Variants in RALGPS1 observed in about 807,000 individuals in gnomAD.
RALGPS1 encodes the protein Ral GEF with PH domain and SH3 binding motif 1.
A neutral mutation model predicts 78.8 loss-of-function variants in RALGPS1; 19 were observed. The ratio of observed to expected loss-of-function variants is 0.24; its 90% CI spans 0.17 to 0.35. RALGPS1 has a LOEUF of 0.35. RALGPS1 is among the 10% of genes least tolerant of loss of function. The probability of loss-of-function intolerance (pLI) is 1.00; values close to 1 mark genes in which losing one functional copy is unlikely to be tolerated. For synonymous variants in RALGPS1, 228 were observed against 256.3 expected (o/e 0.89, Z 1.06); for missense variants, 454 against 688.3 (o/e 0.66, Z 3.81).
chr9:127,178,419 C>G (rs2060011188), intron 11 of RALGPS1: 4 of 1,041,660 alleles, frequency 3.8e-6, no homozygotes, highest in Non-Finnish European at 4.7e-6. Context: ...TAAAATCTTC[C>G]TCCTTCACAG....
intron 5 of RALGPS1, among the ~76,000 whole-genome samples, chr9:127,041,078 T>TTTTC (rs1301884289): frequency 2.0e-5 from 3 of 148,742 alleles, no homozygotes; most frequent in East Asian, 3.9e-4. Context: ...TGTACTAAAG[T>TTTTC]TTTCTTTCTT....
intron 18 of RALGPS1, among the ~76,000 whole-genome samples, chr9:127,215,100 T>TG (rs1564810982): frequency 6.6e-6 from 1 of 152,174 alleles, no homozygotes; most frequent in Non-Finnish European, 1.5e-5. Flanking sequence ...AAACACCCAC[T>TG]GGGGGATGAT....
At chr9:126,934,350 A>G (rs1312983024) in intron 1 of RALGPS1, among the ~76,000 whole-genome samples, 2 of 152,148 alleles carry the variant, frequency 1.3e-5, no homozygotes, top group Non-Finnish European at 2.9e-5. Context: ...GGTATGTCCT[A>G]TTGATTAGGG....
intron 8 of RALGPS1, among the ~76,000 whole-genome samples, chr9:127,086,467 T>C (rs1327966712): frequency 6.6e-6 from 1 of 152,220 alleles, no homozygotes; most frequent in Admixed American, 6.5e-5. Context: ...CTCTGATTAC[T>C]ACTGAGGTTG....
intron 14 of RALGPS1, chr9:127,210,588 CG>C (rs1307434532): frequency 1.2e-6 from 1 of 813,194 alleles, no homozygotes; most frequent in East Asian, 2.7e-5. Flanking sequence ...GGTTGCTCTG[CG>C]GGACTTCCTG....
At chr9:127,099,269 T>C (rs1417150280) in intron 8 of RALGPS1, among the ~76,000 whole-genome samples, 1 of 152,246 alleles carries the variant, frequency 6.6e-6, no homozygotes, top group Non-Finnish European at 1.5e-5. Flanking sequence ...GTGAATATTT[T>C]AGTCCATACG....
At chr9:127,180,867 C>G (rs1012300144) in intron 11 of RALGPS1, among the ~76,000 whole-genome samples, 2 of 152,272 alleles carry the variant, frequency 1.3e-5, no homozygotes, top group Non-Finnish European at 2.9e-5. Context: ...ATGCTCAGTG[C>G]TTGCTGCCAG....
chr9:127,187,441 T>TAA (rs1564750995), intron 11 of RALGPS1, among the ~76,000 whole-genome samples: 14 of 152,358 alleles, frequency 9.2e-5, no homozygotes, highest in South Asian at 6.2e-4. Flanking sequence ...AGTAGCTCTG[T>TAA]AAGCCCCACT....
intron 1 of RALGPS1, among the ~76,000 whole-genome samples, chr9:126,916,698 T>C (rs2034202257): frequency 6.6e-6 from 1 of 152,120 alleles, no homozygotes; most frequent in African/African-American, 2.4e-5. Flanking sequence ...CGAGAATTGC[T>C]TGAACGTGGG....
chr9:127,019,340 A>C (rs1313988091), intron 4 of RALGPS1, among the ~76,000 whole-genome samples: 2 of 151,496 alleles, frequency 1.3e-5, no homozygotes, highest in Non-Finnish European at 2.9e-5. Context: ...ATTTTATTTT[A>C]TTTTTGAGAT....
chr9:127,048,712 TA>T (rs2048034614), intron 5 of RALGPS1, among the ~76,000 whole-genome samples: 1 of 152,238 alleles, frequency 6.6e-6, no homozygotes, highest in Non-Finnish European at 1.5e-5. Flanking sequence ...TAATATGCCA[TA>T]AAAATGTACA....
chr9:126,958,142 A>AAAAAAAAAAAAAAAAAATAT (rs113413659), intron 1 of RALGPS1, among the ~76,000 whole-genome samples: 1 of 77,084 alleles, frequency 1.3e-5, no homozygotes, highest in Admixed American at 1.5e-4. Flanking sequence ...AAAAAAAAAA[A>AAAAAAAAAAAAAAAAAATAT]ATATATATAT....
intron 1 of RALGPS1, among the ~76,000 whole-genome samples, chr9:126,942,555 G>T (rs1028121655): frequency 6.6e-6 from 1 of 152,168 alleles, no homozygotes; most frequent in Non-Finnish European, 1.5e-5. Flanking sequence ...GTTCTGGACT[G>T]TGTCTTGTCC....
intron 4 of RALGPS1, among the ~76,000 whole-genome samples, chr9:126,989,058 A>AC (rs759689620): frequency 3.9e-5 from 6 of 152,022 alleles, no homozygotes; most frequent in Non-Finnish European, 8.8e-5. Context: ...ACATAGCAAG[A>AC]CCCCACCTTA....
intron 7 of RALGPS1, among the ~76,000 whole-genome samples, chr9:127,062,082 G>GT (rs2049261252): frequency 6.6e-6 from 1 of 152,188 alleles, no homozygotes; most frequent in African/African-American, 2.4e-5. Flanking sequence ...GTGTGTAACT[G>GT]TTTAAGGATT....
At chr9:126,977,855 C>A in intron 4 of RALGPS1, 110 bp downstream of exon 4, 1 of 717,810 alleles carries the variant, frequency 1.4e-6, no homozygotes, top group Non-Finnish European at 2.3e-6. Context: ...TCTATAAATG[C>A]ATGTTATCCA....
intron 1 of RALGPS1, among the ~76,000 whole-genome samples, chr9:126,958,142 A>AATATATATATATATATATATATAT (rs1554765218): frequency 1.3e-5 from 1 of 77,104 alleles, no homozygotes; most frequent in African/African-American, 4.1e-5. Flanking sequence ...AAAAAAAAAA[A>AATATATATATATATATATATATAT]ATATATATAT....
At chr9:127,007,673 C>T (rs1294921470) in intron 4 of RALGPS1, among the ~76,000 whole-genome samples, 2 of 152,106 alleles carry the variant, frequency 1.3e-5, no homozygotes, top group Non-Finnish European at 2.9e-5. Flanking sequence ...GAAAGCAAGA[C>T]AGGGAGGGCA....
intron 8 of RALGPS1, among the ~76,000 whole-genome samples, chr9:127,152,171 G>A (rs2139106579): frequency 6.6e-6 from 1 of 152,250 alleles, no homozygotes; most frequent in African/African-American, 2.4e-5. Context: ...AAGAAAAGCT[G>A]TTTGAACTTT....
Sources: allele counts gnomAD v4.1 joint callset (sites outside exome capture counted in the v4.1 genomes callset), GRCh38; gene constraint gnomAD v4.1.1; transcripts MANE v1.5; gene names NCBI Gene and HGNC (gene_info 2026-07-23, HGNC 2026-07-21).